RFX3: variants seen among roughly 807,000 people sequenced by gnomAD.
RFX3 encodes regulatory factor X3, also known as transcription factor RFX3.
Under a neutral mutation model 98.6 loss-of-function variants are expected in RFX3, and 14 were observed. The observed-to-expected ratio is 0.14, with a 90% confidence interval of 0.09 to 0.22. The LOEUF (loss-of-function observed/expected upper bound fraction) is 0.22, where lower values mean the gene tolerates loss of function less well. Ranked by LOEUF, RFX3 falls within the 10% of genes least tolerant of loss-of-function variation. RFX3 has a pLI of 1.00. For missense variants in RFX3, 639 were observed against 926.9 expected, an observed-to-expected ratio of 0.69 and a Z score of 4.03; for synonymous variants, 383 against 328.4, an observed-to-expected ratio of 1.17 and a Z score of -1.80.
intron 2 of RFX3, among the ~76,000 whole-genome samples, chr9:3,360,582 A>C (rs925362020): frequency 6.6e-5 from 10 of 152,190 alleles, no homozygotes; most frequent in Non-Finnish European, 1.3e-4. Flanking sequence ...ACACTAGATG[A>C]ATTAAAAAAC....
At chr9:3,424,745 G>A (rs765751560) in intron 1 of RFX3, among the ~76,000 whole-genome samples, 2 of 152,070 alleles carry the variant, frequency 1.3e-5, no homozygotes, top group African/African-American at 2.4e-5. Context: ...CTATTTTCAT[G>A]CTCTGCAATT....
chr9:3,365,384 G>T (rs191585973), intron 2 of RFX3, among the ~76,000 whole-genome samples: 1 of 150,696 alleles, frequency 6.6e-6, no homozygotes, highest in African/African-American at 2.4e-5. Flanking sequence ...CAGAATATTA[G>T]AAAATAATGC....
chr9:3,502,419 CA>C (rs1463633884), intron 1 of RFX3, among the ~76,000 whole-genome samples: 1 of 152,108 alleles, frequency 6.6e-6, no homozygotes, highest in Admixed American at 6.5e-5. Context: ...AGGATAATTT[CA>C]GCCACATCAT....
intron 1 of RFX3, among the ~76,000 whole-genome samples, chr9:3,396,483 T>C (rs1294038209): frequency 2.0e-5 from 3 of 152,212 alleles, no homozygotes; most frequent in African/African-American, 7.2e-5. Context: ...CTGTTGTGAA[T>C]AGTGCCGCAG....
At chr9:3,479,505 T>G (rs78440560) in intron 1 of RFX3, among the ~76,000 whole-genome samples, 1 of 151,982 alleles carries the variant, frequency 6.6e-6, no homozygotes, top group South Asian at 2.1e-4. Context: ...TAAATGAGAG[T>G]GAAACAGATC....
chr9:3,243,978 AT>A (rs1820294032), intron 15 of RFX3, among the ~76,000 whole-genome samples: 1 of 149,176 alleles, frequency 6.7e-6, no homozygotes, highest in Admixed American at 6.7e-5. Flanking sequence ...TCTGTGTCTC[AT>A]TTCTTCTTCT....
At chr9:3,225,878 T>C (rs569024316) in intron 16 of RFX3, among the ~76,000 whole-genome samples, 4 of 152,336 alleles carry the variant, frequency 2.6e-5, no homozygotes, top group South Asian at 2.1e-4. Context: ...GAGGCAGTAG[T>C]ATCAGATTAA....
Position 3,222,589 on chromosome 9 carries a change from T to C in RFX3, c.*2453A>G, listed in dbSNP as rs1422622101. On this transcript the variant is annotated 3_prime_UTR_variant, in exon 17 of 17. Coordinates refer to ENST00000617270, the MANE Select transcript of RFX3 (RefSeq NM_001282116.2). ...TACAGATATAGTATCACTCAAAGGATGGCGGGTAGAGACAGGAAACTGAAA... is the reference window on the plus strand; with the variant it reads ...TACAGATATAGTATCACTCAAAGGACGGCGGGTAGAGACAGGAAACTGAAA... 1.3e-5 allele frequency: 2 copies of C among 152,182 alleles called. No homozygotes were observed. The highest frequency in any genetic ancestry group is 2.4e-5 in the African/African-American group (1 of 41,444). 9.4% of individuals were successfully genotyped at this position (152,182 alleles called of 1,614,324 possible). A position where few individuals can be genotyped will look rare whatever the true frequency, so the allele number is the denominator to read the frequency against.
At chr9:3,517,252 AG>A (rs577673417) in intron 1 of RFX3, among the ~76,000 whole-genome samples, 31 of 152,326 alleles carry the variant, frequency 2.0e-4, no homozygotes, top group African/African-American at 6.7e-4. Flanking sequence ...TGAGACCTAT[AG>A]GGTATAAGTG....
At chr9:3,428,728 CTG>C (rs1470085008) in intron 1 of RFX3, among the ~76,000 whole-genome samples, 1 of 152,170 alleles carries the variant, frequency 6.6e-6, no homozygotes, top group Non-Finnish European at 1.5e-5. Context: ...GGAAACCTAT[CTG>C]TCCCCAAACT....
At chr9:3,354,388 AT>A (rs1014806830) in intron 2 of RFX3, among the ~76,000 whole-genome samples, 2 of 151,982 alleles carry the variant, frequency 1.3e-5, no homozygotes, top group African/African-American at 4.8e-5. Context: ...ACCAAAAAAC[AT>A]TTTAAAAAAT....
chr9:3,293,352 A>G, intron 5 of RFX3, 94 bp from the exon 6 acceptor site: 2 of 882,418 alleles, frequency 2.3e-6, no homozygotes, highest in Non-Finnish European at 3.4e-6. Context: ...AAATACTTAG[A>G]AGTTCTTCAT....
chr9:3,488,433 A>C (rs1362052273), intron 1 of RFX3, among the ~76,000 whole-genome samples: 1 of 152,204 alleles, frequency 6.6e-6, no homozygotes, highest in South Asian at 2.1e-4. Context: ...CCATAGTCAG[A>C]TATCTTCAAT....
At chr9:3,306,577 A>T (rs1295890274) in intron 4 of RFX3, among the ~76,000 whole-genome samples, 1 of 133,326 alleles carries the variant, frequency 7.5e-6, no homozygotes, top group Non-Finnish European at 1.6e-5. Flanking sequence ...AGGAAGGGGA[A>T]CATCACACAC....
At chr9:3,296,418 G>C (rs1196681162) in intron 5 of RFX3, among the ~76,000 whole-genome samples, 2 of 151,896 alleles carry the variant, frequency 1.3e-5, no homozygotes, top group Non-Finnish European at 2.9e-5. Flanking sequence ...GGCTAGGTAA[G>C]TCAAAAAATC....
intron 1 of RFX3, among the ~76,000 whole-genome samples, chr9:3,446,932 G>C (rs146657876): frequency 8.5e-5 from 13 of 152,078 alleles, no homozygotes; most frequent in Admixed American, 2.0e-4. Context: ...GAAGCTTTGA[G>C]AACAATTCTC....
At chr9:3,306,285 G>C (rs1227909492) in intron 4 of RFX3, among the ~76,000 whole-genome samples, 3 of 151,884 alleles carry the variant, frequency 2.0e-5, no homozygotes, top group Non-Finnish European at 4.4e-5. Flanking sequence ...ATTAGGTTAC[G>C]AGTCAGCTAG....
chr9:3,431,790 C>T (rs1198180257), intron 1 of RFX3, among the ~76,000 whole-genome samples: 2 of 152,134 alleles, frequency 1.3e-5, no homozygotes, highest in African/African-American at 4.8e-5. Flanking sequence ...CAAGTAGCAG[C>T]AGACGAGTTC....
intron 4 of RFX3, among the ~76,000 whole-genome samples, chr9:3,307,763 A>C (rs1829497407): frequency 6.6e-6 from 1 of 152,184 alleles, no homozygotes. Flanking sequence ...TTGTTATTGA[A>C]ATTTCAACTG....
Sources: allele counts gnomAD v4.1 joint callset (sites outside exome capture counted in the v4.1 genomes callset), GRCh38; gene constraint gnomAD v4.1.1; transcripts MANE v1.5; gene names NCBI Gene and HGNC (gene_info 2026-07-23, HGNC 2026-07-21).